Variants in PARVB observed in about 807,000 individuals in gnomAD.
PARVB encodes the protein beta-parvin.
A neutral mutation model predicts 47.0 loss-of-function variants in PARVB; 46 were observed. The ratio of observed to expected loss-of-function variants is 0.98; its 90% CI spans 0.77 to 1.25. The LOEUF (loss-of-function observed/expected upper bound fraction) is 1.25. Among genes scored for constraint, PARVB ranks in the 50% most tolerant of loss-of-function variants. The probability of loss-of-function intolerance (pLI) is 0.00; values close to 1 mark genes in which losing one functional copy is unlikely to be tolerated. For missense variants in PARVB, 473 were observed against 471.6 expected, an observed-to-expected ratio of 1.00 and a Z score of -0.03; for synonymous variants, 196 against 196.3, an observed-to-expected ratio of 1.00 and a Z score of 0.01.
intron 4 of PARVB, among the ~76,000 whole-genome samples, chr22:44,129,929 A>C (rs1446150150): frequency 1.3e-5 from 2 of 152,230 alleles, no homozygotes; most frequent in Non-Finnish European, 2.9e-5. Flanking sequence ...CAACAAACGC[A>C]TGATCGAAGG....
intron 4 of PARVB, among the ~76,000 whole-genome samples, chr22:44,130,247 C>G (rs1035435814): frequency 1.3e-5 from 2 of 152,236 alleles, no homozygotes; most frequent in African/African-American, 2.4e-5. Flanking sequence ...AGTGAACCAT[C>G]TCACGATGCT....
intron 2 of PARVB, among the ~76,000 whole-genome samples, chr22:44,098,547 G>A (rs1277363075): frequency 2.6e-5 from 4 of 152,138 alleles, no homozygotes; most frequent in Non-Finnish European, 4.4e-5. Flanking sequence ...AGGAAATGAG[G>A]CGGGAGAGGG....
At chr22:44,152,328 T>G (rs1300058171) in intron 10 of PARVB, 1 of 152,044 alleles carries the variant, frequency 6.6e-6, no homozygotes, top group Non-Finnish European at 1.5e-5. Context: ...TTTTGTATTT[T>G]TAGTAAAGAC....
exon 1 of PARVB, chr22:43,999,263 A>C: frequency 1.7e-6 from 2 of 1,191,978 alleles, no homozygotes; most frequent in Non-Finnish European, 2.4e-6. Flanking sequence ...CCTTAAACTA[A>C]GAACTCATTT....
intron 1 of PARVB, among the ~76,000 whole-genome samples, chr22:44,063,895 A>G (rs2051467043): frequency 6.6e-6 from 1 of 152,118 alleles, no homozygotes; most frequent in Non-Finnish European, 1.5e-5. Context: ...CTGTTGCCAC[A>G]TTCCGTGTCA....
At chr22:44,027,978 C>T (rs968399174) in intron 1 of PARVB, among the ~76,000 whole-genome samples, 11 of 146,128 alleles carry the variant, frequency 7.5e-5, no homozygotes, top group African/African-American at 2.6e-4. Context: ...TATATATTGA[C>T]GTATATTTTT....
At chr22:44,047,959 G>A (rs907280610) in intron 1 of PARVB, among the ~76,000 whole-genome samples, 2 of 152,200 alleles carry the variant, frequency 1.3e-5, no homozygotes, top group Non-Finnish European at 2.9e-5. Context: ...GACCAATTGT[G>A]GGGCTGGATG....
intron 1 of PARVB, among the ~76,000 whole-genome samples, chr22:44,076,135 C>A (rs1481308454): frequency 6.6e-6 from 1 of 152,234 alleles, no homozygotes; most frequent in Non-Finnish European, 1.5e-5. Flanking sequence ...GAGCGCTCAG[C>A]CCCTCAATGC....
At chr22:44,075,909 C>A (rs942614704) in intron 1 of PARVB, among the ~76,000 whole-genome samples, 1 of 152,230 alleles carries the variant, frequency 6.6e-6, no homozygotes, top group African/African-American at 2.4e-5. Flanking sequence ...ATGGAGCAGT[C>A]GAGCTGGGAT....
chr22:44,013,050 C>T (rs1476854443), intron 2 of PARVB, among the ~76,000 whole-genome samples: 1 of 152,040 alleles, frequency 6.6e-6, no homozygotes, highest in Non-Finnish European at 1.5e-5. Context: ...GCACGCACCA[C>T]CACGCCCGGT....
upstream of PARVB, among the ~76,000 whole-genome samples, chr22:44,020,556 C>A (rs11704407): frequency 7.0e-4 from 106 of 152,274 alleles, no homozygotes; most frequent in Non-Finnish European, 1.4e-3. Flanking sequence ...GAGATTCTTA[C>A]CCCCCTCAGG....
intron 1 of PARVB, among the ~76,000 whole-genome samples, chr22:44,057,090 T>G (rs369303370): frequency 9.3e-5 from 14 of 151,126 alleles, no homozygotes; most frequent in Admixed American, 6.6e-4. Flanking sequence ...TCTCTCTCTC[T>G]CTTTTTTTTT....
chr22:44,027,033 G>A (rs2050742153), intron 1 of PARVB, among the ~76,000 whole-genome samples: 1 of 152,056 alleles, frequency 6.6e-6, no homozygotes, highest in Admixed American at 6.6e-5. Flanking sequence ...GCTTCACGGT[G>A]GGCGTGATTA....
chr22:44,161,086 C>G (rs928901598), intron 11 of PARVB, among the ~76,000 whole-genome samples: 9 of 152,168 alleles, frequency 5.9e-5, no homozygotes, highest in Admixed American at 5.2e-4. Flanking sequence ...TATCCTGTCT[C>G]CATCTCGATT....
At chr22:44,030,782 G>A (rs2050812308) in intron 1 of PARVB, among the ~76,000 whole-genome samples, 1 of 152,262 alleles carries the variant, frequency 6.6e-6, no homozygotes, top group African/African-American at 2.4e-5. Context: ...CAAGGAGTGT[G>A]GTCTCTTTTG....
At chr22:43,999,979 C>G (rs138824767) in intron 2 of PARVB, among the ~76,000 whole-genome samples, 3,826 of 151,994 alleles carry the variant, frequency 0.025, 166 homozygotes, top group African/African-American at 0.088. Flanking sequence ...TGCACTCCAG[C>G]TGGGGTGACA....
At chr22:44,096,711 G>T (rs564722217) in intron 2 of PARVB, among the ~76,000 whole-genome samples, 58 of 152,298 alleles carry the variant, frequency 3.8e-4, no homozygotes, top group African/African-American at 1.4e-3. Context: ...CCCTGCTCTA[G>T]ACCCTCTCAG....
intron 12 of PARVB, among the ~76,000 whole-genome samples, chr22:44,164,183 A>G (rs1479681236): frequency 2.6e-5 from 4 of 152,230 alleles, no homozygotes; most frequent in South Asian, 4.1e-4. Context: ...CTCTGCCCAC[A>G]GACCTCAGGA....
chr22:44,042,594 T>C (rs2051039432), intron 1 of PARVB, among the ~76,000 whole-genome samples: 1 of 152,236 alleles, frequency 6.6e-6, no homozygotes, highest in African/African-American at 2.4e-5. Flanking sequence ...GTCTGCACTT[T>C]GTTAGGGGAA....
Sources: allele counts gnomAD v4.1 joint callset (sites outside exome capture counted in the v4.1 genomes callset), GRCh38; gene constraint gnomAD v4.1.1; transcripts MANE v1.5; gene names NCBI Gene and HGNC (gene_info 2026-07-23, HGNC 2026-07-21).